The following PARD3 variants were observed in gnomAD, a reference collection of about 807,000 sequenced individuals.
PARD3 encodes the protein partitioning defective 3 homolog.
In PARD3, 75 loss-of-function variants were observed where a neutral mutation model predicts 155.4. The ratio of observed to expected loss-of-function variants is 0.48; its 90% CI spans 0.40 to 0.58. The LOEUF (loss-of-function observed/expected upper bound fraction) is 0.58, where lower values mean the gene tolerates loss of function less well. Ranked by LOEUF, PARD3 falls within the 20% of genes least tolerant of loss-of-function variation. The probability of loss-of-function intolerance (pLI) is 0.00; values close to 1 mark genes in which losing one functional copy is unlikely to be tolerated. For missense variants in PARD3, 1,642 were observed against 1,721.7 expected (o/e 0.95, Z 0.82); for synonymous variants, 576 against 610.5 (o/e 0.94, Z 0.83).
chr10:34,592,440 T>C (rs2088795113), intron 2 of PARD3, among the ~76,000 whole-genome samples: 1 of 152,180 alleles, frequency 6.6e-6, no homozygotes, highest in Non-Finnish European at 1.5e-5. Context: ...AGCATTCTAT[T>C]GGAAGGCTCC....
intron 23 of PARD3, among the ~76,000 whole-genome samples, chr10:34,121,151 G>A (rs536476466): frequency 5.3e-5 from 8 of 152,156 alleles, no homozygotes; most frequent in Non-Finnish European, 1.2e-4. Flanking sequence ...GCTTCTCACC[G>A]AAATCAGATT....
chr10:34,395,020 T>A (rs1275893536), intron 7 of PARD3, among the ~76,000 whole-genome samples: 1 of 152,164 alleles, frequency 6.6e-6, no homozygotes, highest in Non-Finnish European at 1.5e-5. Context: ...ATTTGTGGTT[T>A]AAATAAAGAG....
At chr10:34,223,989 C>A (rs922960133) in intron 22 of PARD3, among the ~76,000 whole-genome samples, 2 of 152,130 alleles carry the variant, frequency 1.3e-5, no homozygotes, top group African/African-American at 4.8e-5. Flanking sequence ...AGAGGCGAGA[C>A]AATAGAGGTG....
chr10:34,266,567 C>T (rs1315693284), intron 22 of PARD3, among the ~76,000 whole-genome samples: 5 of 152,164 alleles, frequency 3.3e-5, no homozygotes, highest in African/African-American at 1.2e-4. Flanking sequence ...TTCTGGGGCA[C>T]AAATGCATAA....
intron 1 of PARD3, among the ~76,000 whole-genome samples, chr10:34,715,300 A>G (rs1486066789): frequency 6.6e-6 from 1 of 151,156 alleles, no homozygotes; most frequent in Non-Finnish European, 1.5e-5. Context: ...CTGGTCTCCA[A>G]CTCCTGGACT....
rs577420212 is a variant in PARD3 at position 34,347,771 on chromosome 10, ATT to A, written c.2218+192_2218+193del. Among the ~76,000 whole-genome samples, 670 of 152,240 alleles carry A rather than the reference ATT, an allele frequency of 4.4e-3. 8 individuals carry two copies. Among genetic ancestry groups the A allele is most frequent in the African/African-American group, 0.016 (652 of 41,544 alleles). ...ATCTAAAAGTCACTTAAATCAATGG[ATT>A]GATTTACCTCTTCACATGAACACTT... On this transcript the variant is annotated intron_variant, in intron 15 of 24. Transcript: ENST00000374788.
intron 20 of PARD3, among the ~76,000 whole-genome samples, chr10:34,294,242 T>G (rs984512097): frequency 2.6e-5 from 4 of 152,200 alleles, no homozygotes; most frequent in African/African-American, 9.6e-5. Flanking sequence ...ACATCCACCC[T>G]CAATTAAATA....
At chr10:34,454,476 A>C (rs942773421) in intron 4 of PARD3, among the ~76,000 whole-genome samples, 4 of 152,144 alleles carry the variant, frequency 2.6e-5, no homozygotes, top group African/African-American at 9.7e-5. Flanking sequence ...TCTATTCAAG[A>C]CTATATATGC....
Position 34,605,528 on chromosome 10 carries a change from ATATATCTCC to A in PARD3, c.223-88378_223-88370del, listed in dbSNP as rs1347142394. On this transcript the variant is annotated intron_variant, in intron 2 of 24. Transcript: ENST00000374788. ...TTAAATATATATATATATCTCCTAT[ATATATCTCC>A]TATATATATATATATATATCTCCTA... 2.8e-5 allele frequency among the ~76,000 whole-genome samples: 2 copies of A among 71,608 alleles called. 1 individual carries two copies. Among genetic ancestry groups the A allele is most frequent in the East Asian group, 7.9e-4 (2 of 2,524 alleles). The allele number at this position is 71,608 out of a possible 152,430, so 47.0% of individuals were successfully genotyped here.
In PARD3 at chr10:34,450,408, T is replaced by G. The variant is rs1206824816; in HGVS notation, c.623A>C (p.Asn208Thr). The part of the protein sequence containing the change: ...NYRSLPRDTS[N>T]WSNQFQRDNA... ...GTCTCTCTGAAATTGGTTAGACCAG[T>G]TACTAGTATCCCGCGGGAGGCTTCT... Residue 208 changes from asparagine (N) to threonine (T), a missense_variant, in exon 5 of 25, where the codon AAC (asparagine) becomes ACC (threonine). Around this residue, in one of 3 missense-constraint regions of PARD3, gnomAD observed 1,529 missense variants for 1,587.3 expected, o/e 0.96. Coordinates refer to ENST00000374788, the MANE Select transcript of PARD3 (RefSeq NM_001184785.2). The G allele has an allele frequency of 6.2e-7, 1 of 1,613,822 alleles. No homozygotes were observed. Among genetic ancestry groups the G allele is most frequent in the Non-Finnish European group, 8.5e-7 (1 of 1,179,808 alleles).
chr10:34,372,375 C>T, intron 12 of PARD3, 123 bp downstream of exon 12: 1 of 751,742 alleles, frequency 1.3e-6, no homozygotes, highest in Non-Finnish European at 2.3e-6. Flanking sequence ...TTTAATAAAC[C>T]CATGTATTAA....
intron 4 of PARD3, among the ~76,000 whole-genome samples, chr10:34,461,465 G>A (rs866847923): frequency 1.9e-4 from 29 of 152,254 alleles, no homozygotes; most frequent in African/African-American, 7.0e-4. Context: ...AATTAGCCGG[G>A]TGTGGTAGTG....
At chr10:34,249,982 C>T (rs1954196289) in intron 22 of PARD3, among the ~76,000 whole-genome samples, 1 of 152,190 alleles carries the variant, frequency 6.6e-6, no homozygotes. Context: ...GCATGCCACA[C>T]ACGAGATGCT....
chr10:34,524,246 A>T (rs1329855052), intron 2 of PARD3, among the ~76,000 whole-genome samples: 1 of 152,238 alleles, frequency 6.6e-6, no homozygotes, highest in Non-Finnish European at 1.5e-5. Context: ...AACACAGGAG[A>T]CCACCATCAT....
At chr10:34,748,202 G>A (rs1835546153) in intron 1 of PARD3, among the ~76,000 whole-genome samples, 2 of 152,208 alleles carry the variant, frequency 1.3e-5, no homozygotes, top group Admixed American at 1.3e-4. Flanking sequence ...AGGCGTGGTG[G>A]CTCACGCCTG....
At chr10:34,508,101 G>T (rs2081193865) in intron 3 of PARD3, among the ~76,000 whole-genome samples, 2 of 151,848 alleles carry the variant, frequency 1.3e-5, no homozygotes, top group African/African-American at 4.8e-5. Flanking sequence ...AAGTGGGAGG[G>T]GGCACTAACT....
intron 21 of PARD3, among the ~76,000 whole-genome samples, chr10:34,281,340 T>G (rs1956148805): frequency 6.6e-6 from 1 of 152,172 alleles, no homozygotes. Context: ...ATAGGGTACC[T>G]AGGTTCAGTG....
At chr10:34,525,121 G>C (rs1270917729) in intron 2 of PARD3, among the ~76,000 whole-genome samples, 1 of 152,084 alleles carries the variant, frequency 6.6e-6, no homozygotes, top group African/African-American at 2.4e-5. Context: ...GTAAGCAAAA[G>C]GATATATTTG....
intron 12 of PARD3, among the ~76,000 whole-genome samples, chr10:34,372,011 T>C (rs560875739): frequency 6.6e-6 from 1 of 152,148 alleles, no homozygotes; most frequent in Admixed American, 6.5e-5. Context: ...TAACTTTTGT[T>C]AAATTATCTC....
Sources: allele counts gnomAD v4.1 joint callset (sites outside exome capture counted in the v4.1 genomes callset), GRCh38; gene constraint gnomAD v4.1.1; regional missense constraint gnomAD v4.1.1; transcripts MANE v1.5; gene names NCBI Gene and HGNC (gene_info 2026-07-23, HGNC 2026-07-21).